NRXN3: variants seen among roughly 807,000 people sequenced by gnomAD.
NRXN3 encodes neurexin 3, also known as neurexin III.
A neutral mutation model predicts 137.6 loss-of-function variants in NRXN3; 32 were observed. The observed-to-expected ratio is 0.23, with a 90% CI of 0.18 to 0.31. The LOEUF (loss-of-function observed/expected upper bound fraction) is 0.31. Among genes scored for constraint, NRXN3 ranks in the 10% least tolerant of loss-of-function variants. The pLI, the probability that NRXN3 is intolerant of heterozygous loss-of-function variation, is 1.00. For missense variants in NRXN3, 1,574 were observed against 2,062.5 expected, an observed-to-expected ratio of 0.76 and a Z score of 4.59; for synonymous variants, 798 against 784.5, an observed-to-expected ratio of 1.02 and a Z score of -0.29.
chr14:78,338,326 A>G (rs986441630), intron 4 of NRXN3, among the ~76,000 whole-genome samples: 1 of 152,242 alleles, frequency 6.6e-6, no homozygotes, highest in Admixed American at 6.5e-5. Context: ...AACTAATGTG[A>G]TGGACAGTGC....
chr14:79,786,922 T>TG (rs1448948345), intron 19 of NRXN3, among the ~76,000 whole-genome samples: 1 of 152,212 alleles, frequency 6.6e-6, no homozygotes, highest in Non-Finnish European at 1.5e-5. Context: ...AGGGTTTAAG[T>TG]GAGACAGGCT....
chr14:79,636,777 C>T (rs1451114022), intron 16 of NRXN3, among the ~76,000 whole-genome samples: 1 of 152,134 alleles, frequency 6.6e-6, no homozygotes, highest in Non-Finnish European at 1.5e-5. Context: ...AGGAGAAGGC[C>T]ATGGGGGGAT....
chr14:79,333,307 G>A (rs2091947173), intron 15 of NRXN3, among the ~76,000 whole-genome samples: 1 of 152,118 alleles, frequency 6.6e-6, no homozygotes, highest in Non-Finnish European at 1.5e-5. Context: ...TTCAGTGACT[G>A]CAAGGCTCCT....
At chr14:78,737,491 C>A (rs143922672) in intron 8 of NRXN3, among the ~76,000 whole-genome samples, 1 of 152,154 alleles carries the variant, frequency 6.6e-6, no homozygotes, top group East Asian at 1.9e-4. Flanking sequence ...GTGATGGGTG[C>A]CCTCATTACT....
Position 79,865,329 on chromosome 14 carries a change from T to A in NRXN3, c.*3365T>A, listed in dbSNP as rs2099417652. The A allele has an allele frequency of 6.6e-6, 1 of 152,232 alleles. No individual in the cohort carries two copies. 9.4% of individuals were successfully genotyped at this position (152,232 alleles called of 1,614,324 possible). A position where few individuals can be genotyped will look rare whatever the true frequency, so the allele number is the denominator to read the frequency against. ...CCATTGTAGCAGTAATGTCTCATAT[T>A]TCTCGTTCTCTCAGCACACACTTAC... On this transcript the variant is annotated 3_prime_UTR_variant, in exon 21 of 21. Coordinates refer to ENST00000335750, the MANE Select transcript of NRXN3 (RefSeq NM_001330195.2).
intron 1 of NRXN3, among the ~76,000 whole-genome samples, chr14:78,226,256 A>G (rs940713382): frequency 5.3e-5 from 8 of 152,058 alleles, no homozygotes. Context: ...ACTCACCTTC[A>G]CATCCCAAAG....
chr14:79,192,802 G>T (rs914735555), intron 15 of NRXN3, among the ~76,000 whole-genome samples: 2 of 120,578 alleles, frequency 1.7e-5, no homozygotes, highest in Non-Finnish European at 3.2e-5. Context: ...ACAGAGTCTC[G>T]CTCTGTCACC....
intron 16 of NRXN3, among the ~76,000 whole-genome samples, chr14:79,661,273 TG>T (rs2098532087): frequency 6.6e-6 from 1 of 152,118 alleles, no homozygotes; most frequent in Non-Finnish European, 1.5e-5. Flanking sequence ...GAACAGAACA[TG>T]GGGATTGCAG....
chr14:79,754,033 T>G (rs2154092587), intron 19 of NRXN3, among the ~76,000 whole-genome samples: 1 of 151,900 alleles, frequency 6.6e-6, no homozygotes, highest in African/African-American at 2.4e-5. Context: ...AAAAAAAAAG[T>G]ACACAGGCAT....
chr14:78,880,655 T>G (rs1356637929), intron 10 of NRXN3, among the ~76,000 whole-genome samples: 12 of 152,114 alleles, frequency 7.9e-5, no homozygotes, highest in Admixed American at 7.9e-4. Context: ...TATCAGAGTA[T>G]CAAGAATACC....
chr14:78,872,155 G>T (rs942884593), intron 10 of NRXN3, among the ~76,000 whole-genome samples: 1 of 150,740 alleles, frequency 6.6e-6, no homozygotes, highest in Non-Finnish European at 1.5e-5. Flanking sequence ...CATCAATGTT[G>T]ATTTTAGGTT....
intron 16 of NRXN3, among the ~76,000 whole-genome samples, chr14:79,483,177 T>G (rs2153641203): frequency 1.3e-5 from 2 of 152,324 alleles, no homozygotes; most frequent in South Asian, 4.1e-4. Context: ...TTTGTAATGG[T>G]TCTCCAAAGA....
intron 8 of NRXN3, among the ~76,000 whole-genome samples, chr14:78,792,257 C>CAAAAAAAAAAAAAAAAAAAAA (rs140968788): frequency 1.0e-4 from 2 of 19,460 alleles, no homozygotes; most frequent in African/African-American, 2.8e-4. Flanking sequence ...AGACTAAAGG[C>CAAAAAAAAAAAAAAAAAAAAA]AAAAAAAAAA....
At chr14:79,341,845 A>G (rs2092625578) in intron 15 of NRXN3, among the ~76,000 whole-genome samples, 1 of 152,234 alleles carries the variant, frequency 6.6e-6, no homozygotes, top group African/African-American at 2.4e-5. Context: ...TAAGACCCCA[A>G]AGGTTAAAAA....
chr14:79,697,569 A>G (rs1276196129), intron 18 of NRXN3, 61 bp from the exon 19 acceptor site: 2 of 1,550,214 alleles, frequency 1.3e-6, no homozygotes, highest in African/African-American at 1.4e-5. Context: ...CATTCAGACC[A>G]GGTAAGGCAA....
intron 8 of NRXN3, among the ~76,000 whole-genome samples, chr14:78,792,530 A>G (rs1047943178): frequency 3.3e-5 from 5 of 152,208 alleles, no homozygotes; most frequent in Admixed American, 3.3e-4. Flanking sequence ...AATTACTCAA[A>G]GGTATCAAAC....
intron 18 of NRXN3, among the ~76,000 whole-genome samples, chr14:79,694,522 C>T (rs114134363): frequency 2.6e-5 from 4 of 151,344 alleles, no homozygotes; most frequent in Non-Finnish European, 4.4e-5. Context: ...TAAATATGCA[C>T]ATATATATAT....
chr14:79,243,839 T>G (rs1258232970), intron 15 of NRXN3, among the ~76,000 whole-genome samples: 1 of 152,122 alleles, frequency 6.6e-6, no homozygotes, highest in Non-Finnish European at 1.5e-5. Flanking sequence ...TTGATGGAAA[T>G]GTCATTATGT....
chr14:78,432,427 G>T (rs570146248), intron 4 of NRXN3, among the ~76,000 whole-genome samples: 2 of 152,184 alleles, frequency 1.3e-5, no homozygotes, highest in South Asian at 4.1e-4. Flanking sequence ...CCTCTGAGAA[G>T]TATCAAGCTG....
Sources: allele counts gnomAD v4.1 joint callset (sites outside exome capture counted in the v4.1 genomes callset), GRCh38; gene constraint gnomAD v4.1.1; transcripts MANE v1.5; gene names NCBI Gene and HGNC (gene_info 2026-07-23, HGNC 2026-07-21).